EPRS1: variants seen among roughly 807,000 people sequenced by gnomAD.
EPRS1 encodes the protein glutamyl-prolyl-tRNA synthetase 1.
Under a neutral mutation model 188.3 loss-of-function variants are expected in EPRS1, and 107 were observed. That is an observed-to-expected ratio of 0.57 (90% CI 0.49 to 0.67). The LOEUF (loss-of-function observed/expected upper bound fraction) is 0.67, where lower values mean the gene tolerates loss of function less well. Ranked by LOEUF, EPRS1 falls within the 30% of genes least tolerant of loss-of-function variation. The pLI is 0.00. For missense variants in EPRS1, 1,577 were observed against 1,802.2 expected (o/e 0.88, Z 2.26); for synonymous variants, 596 against 593.1 (o/e 1.00, Z -0.07).
In EPRS1 at chr1:219,978,704, A is replaced by G. The variant is rs780317683; in HGVS notation, c.3925T>C (p.Cys1309Arg). The G allele has an allele frequency of 6.2e-7, 1 of 1,610,746 alleles. No homozygotes were observed. The highest frequency in any genetic ancestry group is 8.5e-7 in the Non-Finnish European group (1 of 1,178,444). ...VACVQVVIIPCGITNALSEED... is the reference protein window; with the variant it reads ...VACVQVVIIPRGITNALSEED... Reference sequence around the variant, plus strand: ...TCAGAAAGTGCATTGGTAATGCCACAAGGAATAATCACCACCTAGAATCAG... The same window carrying G: ...TCAGAAAGTGCATTGGTAATGCCACGAGGAATAATCACCACCTAGAATCAG... The change falls in exon 28 of 32, where the codon TGT becomes CGT. Residue 1309 changes from cysteine (C) to arginine (R), a missense_variant. Coordinates refer to ENST00000366923, the MANE Select transcript of EPRS1 (RefSeq NM_004446.3).
intron 3 of EPRS1, among the ~76,000 whole-genome samples, chr1:220,034,270 T>C (rs1026859186): frequency 6.6e-6 from 1 of 152,160 alleles, no homozygotes; most frequent in East Asian, 1.9e-4. Context: ...ACCTACTGTA[T>C]TGAGTATTGT....
At chr1:220,030,674 T>A (rs1317216266) in intron 5 of EPRS1, among the ~76,000 whole-genome samples, 194 bp from the exon 6 acceptor site, 3 of 152,156 alleles carry the variant, frequency 2.0e-5, no homozygotes, top group Admixed American at 6.5e-5. Context: ...AATACAGATA[T>A]GTTCAGGGTG....
intron 18 of EPRS1, among the ~76,000 whole-genome samples, chr1:219,996,599 C>T (rs926503813): frequency 1.3e-5 from 2 of 152,188 alleles, no homozygotes; most frequent in African/African-American, 4.8e-5. Flanking sequence ...TAAAGAGTGC[C>T]TTGTTGTGAT....
chr1:220,014,827 G>C (rs1661671614), intron 12 of EPRS1, among the ~76,000 whole-genome samples: 1 of 152,194 alleles, frequency 6.6e-6, no homozygotes, highest in Admixed American at 6.5e-5. Context: ...AGATAACCAA[G>C]GCTCTAACCA....
At chr1:220,018,353 A>C (rs937427948) in intron 12 of EPRS1, 96 bp downstream of exon 12, 11 of 1,105,490 alleles carry the variant, frequency 1.0e-5, no homozygotes, top group African/African-American at 1.6e-5. Context: ...TATTCTTCAC[A>C]AACTTTTCTC....
intron 18 of EPRS1, among the ~76,000 whole-genome samples, chr1:219,991,855 A>G (rs553656605): frequency 1.2e-4 from 19 of 152,158 alleles, no homozygotes; most frequent in Non-Finnish European, 2.8e-4. Flanking sequence ...AATTCTGAAG[A>G]TTTTCCAGAA....
chr1:220,022,552 T>A, intron 8 of EPRS1, 34 bp from the exon 9 acceptor site: 1 of 1,512,074 alleles, frequency 6.6e-7, no homozygotes. Flanking sequence ...GGTTCACTAA[T>A]CTGGTTAAAT....
chr1:219,998,725 TAC>T (rs950957241), intron 17 of EPRS1, among the ~76,000 whole-genome samples: 1 of 151,876 alleles, frequency 6.6e-6, no homozygotes, highest in Non-Finnish European at 1.5e-5. Flanking sequence ...ACATTTTTAG[TAC>T]AGACAGGGTT....
intron 18 of EPRS1, among the ~76,000 whole-genome samples, chr1:219,996,655 A>G (rs1661239996): frequency 6.6e-6 from 1 of 152,194 alleles, no homozygotes; most frequent in Non-Finnish European, 1.5e-5. Context: ...ATGATTTTAA[A>G]TATCCTTTAT....
rs369235750 is a variant in EPRS1, at chr1:220,024,323, G to T, written c.884C>A (p.Pro295His). 53 of 1,613,148 alleles carry T rather than the reference G, an allele frequency of 3.3e-5. No homozygotes were observed. Among genetic ancestry groups the T allele is most frequent in the Non-Finnish European group, 4.2e-5 (50 of 1,179,598 alleles). Residue 295 changes from proline to histidine, a missense_variant, in exon 8 of 32, where the codon CCT (proline) becomes CAT (histidine). Pro to His is a moderately conservative substitution (Grantham distance 77). Around this residue, in one of 3 missense-constraint regions of EPRS1, gnomAD observed 1,278 missense variants for 1,457.4 expected, o/e 0.88. Transcript: ENST00000366923. ...ACGTTCTGCTTTCATCTGTTCAGCA[G>T]GAGTATCATCCACATAAGCCTTCCC... ...QEGKAYVDDT[P>H]AEQMKAEREQ...
intron 5 of EPRS1, 51 bp from the exon 6 acceptor site, chr1:220,030,531 A>C: frequency 7.6e-7 from 1 of 1,322,216 alleles, no homozygotes; most frequent in Non-Finnish European, 1.1e-6. Flanking sequence ...TTAAATGTCT[A>C]AGAACACACT....
intron 6 of EPRS1, among the ~76,000 whole-genome samples, chr1:220,026,366 T>A (rs558113084): frequency 1.3e-5 from 2 of 152,108 alleles, no homozygotes; most frequent in Non-Finnish European, 2.9e-5. Flanking sequence ...CCTCCTTCTA[T>A]CAAGTACATG....
intron 12 of EPRS1, among the ~76,000 whole-genome samples, chr1:220,015,924 G>A (rs991538410): frequency 6.6e-6 from 1 of 152,146 alleles, no homozygotes. Context: ...AGAAACCAAT[G>A]GGCCATGAAT....
intron 6 of EPRS1, among the ~76,000 whole-genome samples, chr1:220,029,708 T>A (rs1236807940): frequency 6.6e-6 from 1 of 152,234 alleles, no homozygotes; most frequent in African/African-American, 2.4e-5. Flanking sequence ...ATTAACATCA[T>A]TGGAAGGACG....
At position 220,025,144 on chromosome 1, in the gene EPRS1, T is replaced by C. The variant is rs374549543; in HGVS notation, c.738A>G (p.Glu246=). ...FDDTNPEKEK[E]DFEKVILEDV... ...CACTTTTAATTACCTTCTCAAAATC[T>C]TCCTTTTCTTTTTCAGGATTTGTGT... The change falls in exon 7 of 32, where the codon GAA becomes GAG. Residue 246 remains glutamate, a synonymous_variant. Coordinates refer to ENST00000366923, the MANE Select transcript of EPRS1 (RefSeq NM_004446.3). The C allele has an allele frequency of 5.6e-6, 9 of 1,613,382 alleles. No individual in the cohort carries two copies. Among genetic ancestry groups the C allele is most frequent in the Non-Finnish European group, 7.6e-6 (9 of 1,179,530 alleles).
At chr1:220,024,966 A>G (rs1452414141) in intron 7 of EPRS1, 166 bp downstream of exon 7, 5 of 643,850 alleles carry the variant, frequency 7.8e-6, no homozygotes, top group Non-Finnish European at 1.1e-5. Flanking sequence ...GTTTTTTGGT[A>G]TGGGAGCTCG....
intron 1 of EPRS1, among the ~76,000 whole-genome samples, chr1:220,044,711 A>AT (rs1267407099): frequency 1.4e-4 from 17 of 124,920 alleles, no homozygotes; most frequent in Admixed American, 5.2e-4. Flanking sequence ...AAAAAAAAAA[A>AT]AACAGTATCA....
chr1:220,020,082 A>G lies in EPRS1; in HGVS notation c.1255T>C (p.Tyr419His), dbSNP rs1661832446. The G allele has an allele frequency of 6.2e-7, 1 of 1,613,908 alleles. No individual in the cohort carries two copies. Among genetic ancestry groups the G allele is most frequent in the African/African-American group, 1.3e-5 (1 of 74,916 alleles). Residue 419 changes from tyrosine to histidine, a missense_variant, in exon 10 of 32, where the codon TAT becomes CAT. Physicochemically the swap from Tyr to His is moderately conservative, Grantham distance 83 (BLOSUM62 2). Transcript: ENST00000366923. Reference protein sequence around the residue: ...IIEALGIRKPYIWEYSRLNLN... With the variant: ...IIEALGIRKPHIWEYSRLNLN... ...TTTAGCCGACTATATTCCCAAATAT[A>G]TGGTTTTCTTATGCCTAAAGCTTCA...
chr1:220,019,075 C>A lies in EPRS1; in HGVS notation c.1354G>T (p.Asp452Tyr). Residue 452 changes from aspartate to tyrosine, a missense_variant, in exon 11 of 32, where the codon GAC (aspartate) becomes TAC (tyrosine). Physicochemically the swap from Asp to Tyr is radical, Grantham distance 160. Around this residue, in one of 3 missense-constraint regions of EPRS1, gnomAD observed 1,278 missense variants for 1,457.4 expected, o/e 0.88. Transcript: ENST00000366923. Reference sequence around the variant, plus strand: ...CCACGAACCGTAGGAAATCTTGGGTCATCCCTGGAAATATGTAAATTTTAA... The same window carrying A: ...CCACGAACCGTAGGAAATCTTGGGTAATCCCTGGAAATATGTAAATTTTAA... ...VNEGLVDGWD[D>Y]PRFPTVRGVL... 1 of 1,609,492 alleles carries A rather than the reference C, an allele frequency of 6.2e-7. No individual in the cohort carries two copies. Among genetic ancestry groups the A allele is most frequent in the South Asian group, 1.1e-5 (1 of 90,924 alleles).
Sources: allele counts gnomAD v4.1 joint callset (sites outside exome capture counted in the v4.1 genomes callset), GRCh38; gene constraint gnomAD v4.1.1; regional missense constraint gnomAD v4.1.1; transcripts MANE v1.5; gene names NCBI Gene and HGNC (gene_info 2026-07-23, HGNC 2026-07-21).